Variants in ESYT2 observed in about 807,000 individuals in gnomAD.
ESYT2 encodes the protein extended synaptotagmin-2.
Under a neutral mutation model 107.2 loss-of-function variants are expected in ESYT2, and 54 were observed. The observed-to-expected ratio is 0.50, with a 90% CI of 0.40 to 0.63. The LOEUF (loss-of-function observed/expected upper bound fraction) is 0.63, where lower values mean the gene tolerates loss of function less well. ESYT2 is among the 30% of genes least tolerant of loss of function. The pLI is 0.00. For synonymous variants in ESYT2, 491 were observed against 434.1 expected, an observed-to-expected ratio of 1.13 and a Z score of -1.63; for missense variants, 1,020 against 1,094.5, an observed-to-expected ratio of 0.93 and a Z score of 0.96.
chr7:158,765,186 G>A (rs1029417347), intron 8 of ESYT2, among the ~76,000 whole-genome samples: 2 of 152,008 alleles, frequency 1.3e-5, no homozygotes, highest in African/African-American at 4.8e-5. Flanking sequence ...GCAGAGGGAC[G>A]CCGAATGCAG....
At chr7:158,823,452 G>A (rs112456389) in intron 1 of ESYT2, among the ~76,000 whole-genome samples, 3,144 of 149,502 alleles carry the variant, frequency 0.021, 106 homozygotes, top group African/African-American at 0.071. Context: ...TCAGCCTCCC[G>A]AGTAGCTGGG....
At chr7:158,779,354 T>G (rs1838690413) in intron 6 of ESYT2, among the ~76,000 whole-genome samples, 1 of 152,152 alleles carries the variant, frequency 6.6e-6, no homozygotes, top group South Asian at 2.1e-4. Flanking sequence ...GAACAGTCAC[T>G]GCACTCTAGC....
chr7:158,822,004 A>G (rs1840298857), intron 1 of ESYT2, among the ~76,000 whole-genome samples: 1 of 152,088 alleles, frequency 6.6e-6, no homozygotes, highest in Non-Finnish European at 1.5e-5. Flanking sequence ...CCCGCCTCCC[A>G]GGTGCTTCTT....
chr7:158,798,067 G>T lies in ESYT2; in HGVS notation c.382C>A (p.His128Asn). ...RAEWLNKTVK[H>N]MWPFICQFIE... The stretch of plus-strand genomic sequence containing the variant: ...AATTGGCAAATGAAAGGCCACATGT[G>T]TTTTACAGTCTGGAAAGGAAAAAGA... Residue 128 changes from histidine to asparagine, a missense_variant, in exon 3 of 23, where the codon CAC becomes AAC. His to Asn is a moderately conservative substitution (Grantham distance 68). Transcript: ENST00000275418. 6.2e-7 allele frequency: 1 copy of T among 1,614,088 alleles called. No individual in the cohort carries two copies. The highest frequency in any genetic ancestry group is 8.5e-7 in the Non-Finnish European group (1 of 1,179,996).
At chr7:158,751,207 TTTCTGTTTAG>T (rs1326504615) in intron 14 of ESYT2, among the ~76,000 whole-genome samples, 1 of 152,182 alleles carries the variant, frequency 6.6e-6, no homozygotes, top group Non-Finnish European at 1.5e-5. Flanking sequence ...TCGCTTCCAT[TTTCTGTTTAG>T]GTATACCTGT....
intron 15 of ESYT2, 39 bp from the exon 16 acceptor site, chr7:158,748,319 T>G: frequency 6.7e-7 from 1 of 1,492,740 alleles, no homozygotes; most frequent in Non-Finnish European, 9.3e-7. Flanking sequence ...TGATATTTTC[T>G]GTGGAAAAGG....
chr7:158,743,386 C>T, intron 17 of ESYT2, 143 bp downstream of exon 17: 2 of 1,001,074 alleles, frequency 2.0e-6, no homozygotes, highest in Non-Finnish European at 2.8e-6. Flanking sequence ...ATATCTCCTC[C>T]CTGCACCGGC....
chr7:158,773,432 A>G (rs1382006532), intron 6 of ESYT2, 36 bp from the exon 7 acceptor site: 9 of 1,610,086 alleles, frequency 5.6e-6, no homozygotes, highest in Non-Finnish European at 7.6e-6. Flanking sequence ...TAAGTTCCAA[A>G]CAATTTCCAA....
At chr7:158,781,560 C>T (rs1182846849) in intron 6 of ESYT2, among the ~76,000 whole-genome samples, 1 of 145,688 alleles carries the variant, frequency 6.9e-6, no homozygotes, top group Non-Finnish European at 1.5e-5. Flanking sequence ...AGTGAGTGAA[C>T]GACTGTGAGA....
chr7:158,735,880 C>T (rs964903386), intron 20 of ESYT2, among the ~76,000 whole-genome samples: 11 of 152,024 alleles, frequency 7.2e-5, no homozygotes, highest in African/African-American at 2.7e-4. Flanking sequence ...GGGTGAGGAG[C>T]GTCTCTCAAC....
chr7:158,792,776 T>G (rs934277634), intron 4 of ESYT2, among the ~76,000 whole-genome samples: 6 of 144,474 alleles, frequency 4.2e-5, no homozygotes, highest in African/African-American at 1.3e-4. Context: ...TTTTTTTTTT[T>G]TTTTTTTTTT....
chr7:158,794,263 G>A (rs1839394688), intron 3 of ESYT2, among the ~76,000 whole-genome samples: 2 of 152,224 alleles, frequency 1.3e-5, no homozygotes, highest in East Asian at 1.9e-4. Context: ...GGATACCAAG[G>A]CAGAGGACTG....
Position 158,748,238 on chromosome 7 carries a change from T to C in ESYT2, c.1600A>G (p.Thr534Ala). Reference protein sequence around the residue: ...TNEPVWEENFTFFIHNPKRQD... With the variant: ...TNEPVWEENFAFFIHNPKRQD... ...CGCTTGGGATTGTGAATGAAGAAAG[T>C]GAAGTTTTCCTCCCACACAGGTTCA... The change falls in exon 16 of 23, where the codon ACT becomes GCT. Residue 534 changes from threonine to alanine, a missense_variant. By Grantham distance (58) the Thr-to-Ala change is moderately conservative (BLOSUM62 0). Transcript: ENST00000275418. The C allele has an allele frequency of 6.2e-7, 1 of 1,614,172 alleles. No homozygotes were observed. Among genetic ancestry groups the C allele is most frequent in the Non-Finnish European group, 8.5e-7 (1 of 1,180,028 alleles).
At chr7:158,809,217 C>A (rs913169279) in intron 1 of ESYT2, among the ~76,000 whole-genome samples, 1 of 151,822 alleles carries the variant, frequency 6.6e-6, no homozygotes, top group Non-Finnish European at 1.5e-5. Flanking sequence ...GTGGCTCATA[C>A]CTGTAATCCC....
intron 1 of ESYT2, among the ~76,000 whole-genome samples, chr7:158,823,613 A>G (rs1184949433): frequency 1.3e-5 from 2 of 152,120 alleles, no homozygotes; most frequent in African/African-American, 4.8e-5. Context: ...GGTGTGAGCC[A>G]CCGCACCCAG....
At chr7:158,819,340 A>G (rs904468922) in intron 1 of ESYT2, among the ~76,000 whole-genome samples, 1 of 151,322 alleles carries the variant, frequency 6.6e-6, no homozygotes, top group African/African-American at 2.4e-5. Context: ...ATACGTTTTC[A>G]TAACTTAAAA....
At chr7:158,762,906 A>T (rs1362336410) in intron 10 of ESYT2, among the ~76,000 whole-genome samples, 177 bp downstream of exon 10, 1 of 152,238 alleles carries the variant, frequency 6.6e-6, no homozygotes, top group African/African-American at 2.4e-5. Context: ...CTTAAATGTG[A>T]AACTTTTAGG....
rs762657888 is a variant in ESYT2 at position 158,809,337 on chromosome 7, G to A, written c.331-10265C>T. Among the ~76,000 whole-genome samples, 10 of 152,022 alleles carry A rather than the reference G, an allele frequency of 6.6e-5. No homozygotes were observed. In the East Asian group the frequency reaches 1.2e-3, roughly 18 times the overall value. On this transcript the variant is annotated intron_variant, in intron 1 of 22. Coordinates refer to ENST00000275418, the MANE Select transcript of ESYT2 (RefSeq NM_001367773.1). ...CTAAAAATACAAAAAGTAGCTGGGC[G>A]TGGTGGCGTGCATCTGTAGTCCCTG...
chr7:158,800,635 C>T (rs1369719803), intron 1 of ESYT2, among the ~76,000 whole-genome samples: 1 of 152,200 alleles, frequency 6.6e-6, no homozygotes, highest in East Asian at 1.9e-4. Flanking sequence ...AGCAATCCTC[C>T]TGCCTCAGCC....
Sources: allele counts gnomAD v4.1 joint callset (sites outside exome capture counted in the v4.1 genomes callset), GRCh38; gene constraint gnomAD v4.1.1; transcripts MANE v1.5; gene names NCBI Gene and HGNC (gene_info 2026-07-23, HGNC 2026-07-21).